Variants in RNF157 observed in about 807,000 individuals in gnomAD.
RNF157 encodes ring finger protein 157, also known as E3 ubiquitin ligase RNF157.
Under a neutral mutation model 88.3 loss-of-function variants are expected in RNF157, and 55 were observed. The ratio of observed to expected loss-of-function variants is 0.62; its 90% CI spans 0.50 to 0.78. The LOEUF is 0.78. Ranked by LOEUF, RNF157 falls within the 30% of genes least tolerant of loss-of-function variation. The probability of loss-of-function intolerance (pLI) is 0.00; values close to 1 mark genes in which losing one functional copy is unlikely to be tolerated. For missense variants in RNF157, 788 were observed against 860.8 expected, an observed-to-expected ratio of 0.92 and a Z score of 1.06; for synonymous variants, 334 against 341.2, an observed-to-expected ratio of 0.98 and a Z score of 0.23.
At chr17:76,206,590 A>G (rs953601120) in intron 2 of RNF157, among the ~76,000 whole-genome samples, 1 of 152,212 alleles carries the variant, frequency 6.6e-6, no homozygotes, top group Non-Finnish European at 1.5e-5. Context: ...GCCTGAGGTC[A>G]GGAGTTCGAG....
chr17:76,165,103 C>A (rs2068901632), intron 7 of RNF157, among the ~76,000 whole-genome samples: 1 of 152,136 alleles, frequency 6.6e-6, no homozygotes, highest in African/African-American at 2.4e-5. Context: ...ATGGGAAAAA[C>A]CACAGTGTAT....
At chr17:76,151,461 G>A (rs1399849929) in intron 18 of RNF157, among the ~76,000 whole-genome samples, 1 of 152,218 alleles carries the variant, frequency 6.6e-6, no homozygotes, top group East Asian at 1.9e-4. Context: ...GACCCGTGAT[G>A]TGGCTGTTCT....
At chr17:76,147,992 T>C (rs1426712505) in intron 18 of RNF157, among the ~76,000 whole-genome samples, 1 of 152,170 alleles carries the variant, frequency 6.6e-6, no homozygotes, top group Non-Finnish European at 1.5e-5. Flanking sequence ...AAGCCACTTA[T>C]TAAATATAAG....
chr17:76,238,830 T>C (rs1477447508), intron 1 of RNF157, among the ~76,000 whole-genome samples: 1 of 152,262 alleles, frequency 6.6e-6, no homozygotes. Context: ...CAGTCAGAGC[T>C]TTATTAAAAT....
chr17:76,167,871 A>C (rs2068953745), intron 3 of RNF157, 74 bp from the exon 4 acceptor site: 2 of 1,422,406 alleles, frequency 1.4e-6, no homozygotes, highest in South Asian at 2.6e-5. Flanking sequence ...AAAAATTAGC[A>C]ATATATTGTG....
intron 2 of RNF157, among the ~76,000 whole-genome samples, chr17:76,200,244 CAA>C (rs1185364000): frequency 8.1e-6 from 1 of 123,674 alleles, no homozygotes; most frequent in African/African-American, 3.0e-5. Context: ...TCCGTCTTGT[CAA>C]AAAAAAAAAC....
chr17:76,232,250 T>C (rs549083693), intron 1 of RNF157, among the ~76,000 whole-genome samples: 3 of 151,496 alleles, frequency 2.0e-5, no homozygotes, highest in Admixed American at 6.6e-5. Context: ...TAGATGGGAG[T>C]GGTGGCATGT....
chr17:76,173,640 C>A (rs1598403736), intron 3 of RNF157, 62 bp downstream of exon 3: 5 of 1,321,644 alleles, frequency 3.8e-6, no homozygotes, highest in Non-Finnish European at 4.3e-6. Flanking sequence ...AGTCTGTCCC[C>A]CAGCCCCCAG....
chr17:76,159,018 G>A (rs55777329), intron 12 of RNF157, among the ~76,000 whole-genome samples: 28,045 of 152,014 alleles, frequency 0.18, 2,612 homozygotes, highest in Middle Eastern at 0.25. Context: ...TTCAGTCTTC[G>A]GACTAAGCAA....
chr17:76,236,869 G>A (rs566344099), intron 1 of RNF157, among the ~76,000 whole-genome samples: 3 of 151,514 alleles, frequency 2.0e-5, no homozygotes, highest in African/African-American at 7.4e-5. Context: ...ACAGAGCAAG[G>A]TGTAGAACAG....
At chr17:76,174,231 C>T (rs989284434) in intron 2 of RNF157, among the ~76,000 whole-genome samples, 5 of 152,138 alleles carry the variant, frequency 3.3e-5, no homozygotes, top group Non-Finnish European at 7.4e-5. Flanking sequence ...AGTTTAGGGA[C>T]CGCAAATAAA....
At chr17:76,219,027 G>C (rs1336620326) in intron 1 of RNF157, among the ~76,000 whole-genome samples, 1 of 152,088 alleles carries the variant, frequency 6.6e-6, no homozygotes, top group Non-Finnish European at 1.5e-5. Context: ...AGAAAAAGCA[G>C]AATATGTTTG....
At chr17:76,150,583 C>T (rs7208373) in intron 18 of RNF157, among the ~76,000 whole-genome samples, 5,104 of 152,182 alleles carry the variant, frequency 0.034, 294 homozygotes, top group African/African-American at 0.12. Context: ...AAGGGGTTGA[C>T]CAGGGTAGAG....
intron 1 of RNF157, among the ~76,000 whole-genome samples, chr17:76,231,329 C>T (rs1472711230): frequency 6.6e-6 from 1 of 152,130 alleles, no homozygotes; most frequent in Non-Finnish European, 1.5e-5. Flanking sequence ...TGGTTTGTCT[C>T]TATAATATTG....
At chr17:76,155,227 C>T in intron 16 of RNF157, 25 bp downstream of exon 16, 1 of 1,607,584 alleles carries the variant, frequency 6.2e-7, no homozygotes, top group Non-Finnish European at 8.5e-7. Context: ...GGGAAGGGGG[C>T]ACCACTCCGT....
At chr17:76,147,473 G>T in intron 18 of RNF157, 1 of 261,968 alleles carries the variant, frequency 3.8e-6, no homozygotes, top group South Asian at 1.3e-4. Flanking sequence ...TCCTGACTCT[G>T]AATTCACAGA....
Position 76,145,372 on chromosome 17 carries a change from A to G in RNF157, c.1922-19T>C. On this transcript the variant is annotated intron_variant, in intron 18 of 18. Coordinates refer to ENST00000269391, the MANE Select transcript of RNF157 (RefSeq NM_052916.3). The stretch of plus-strand genomic sequence containing the variant: ...CAGGCACCTGGGGAAGAGAAAATGA[A>G]CATTACAGGAGCCAGACCTTTGGCC... The G allele has an allele frequency of 1.3e-6, 2 of 1,591,142 alleles. No homozygotes were observed. The highest frequency in any genetic ancestry group is 1.7e-6 in the Non-Finnish European group (2 of 1,160,742).
At chr17:76,211,092 A>G (rs1400168303) in intron 2 of RNF157, among the ~76,000 whole-genome samples, 1 of 152,252 alleles carries the variant, frequency 6.6e-6, no homozygotes, top group Non-Finnish European at 1.5e-5. Flanking sequence ...GGTGTTGGCC[A>G]CTGTGCCTGG....
At chr17:76,185,413 A>G (rs2069264372) in intron 2 of RNF157, among the ~76,000 whole-genome samples, 1 of 152,172 alleles carries the variant, frequency 6.6e-6, no homozygotes, top group Non-Finnish European at 1.5e-5. Flanking sequence ...AAGCAGACAC[A>G]GTCATCTTTT....
Sources: gnomAD v4.1 joint callset for allele counts (sites outside exome capture counted in the v4.1 genomes callset) on GRCh38, gnomAD v4.1.1 for gene constraint, MANE v1.5 for transcripts, NCBI Gene and HGNC (gene_info 2026-07-23, HGNC 2026-07-21) for gene names.